The following FRMD4A variants were observed in gnomAD, a reference collection of about 807,000 sequenced individuals.
The protein encoded by FRMD4A is FERM domain-containing protein 4A.
A neutral mutation model predicts 129.1 loss-of-function variants in FRMD4A; 29 were observed. The observed-to-expected ratio is 0.22, with a 90% CI of 0.17 to 0.31. FRMD4A has a LOEUF of 0.31. Among genes scored for constraint, FRMD4A ranks in the 10% least tolerant of loss-of-function variants. The pLI is 1.00. For missense variants in FRMD4A, 1,272 were observed against 1,375.8 expected, an observed-to-expected ratio of 0.92 and a Z score of 1.19; for synonymous variants, 634 against 571.6, an observed-to-expected ratio of 1.11 and a Z score of -1.56.
intron 2 of FRMD4A, among the ~76,000 whole-genome samples, chr10:13,907,310 G>T (rs1272043969): frequency 6.6e-6 from 1 of 152,052 alleles, no homozygotes; most frequent in Non-Finnish European, 1.5e-5. Flanking sequence ...TATCTGTTGG[G>T]CGGTGATGTG....
intron 2 of FRMD4A, among the ~76,000 whole-genome samples, chr10:14,124,788 A>C (rs1357372351): frequency 6.6e-6 from 1 of 152,214 alleles, no homozygotes; most frequent in Non-Finnish European, 1.5e-5. Context: ...TGATCACCAA[A>C]CGGGATTGTA....
intron 2 of FRMD4A, among the ~76,000 whole-genome samples, chr10:14,218,717 A>G (rs1048852973): frequency 6.6e-6 from 1 of 152,134 alleles, no homozygotes; most frequent in African/African-American, 2.4e-5. Flanking sequence ...GTGGGGACAC[A>G]GAGCTAAACC....
At chr10:13,688,480 C>T (rs1315913672) in intron 15 of FRMD4A, among the ~76,000 whole-genome samples, 1 of 151,944 alleles carries the variant, frequency 6.6e-6, no homozygotes, top group Non-Finnish European at 1.5e-5. Flanking sequence ...ACCAACATGG[C>T]ACATGTATAC....
At chr10:13,955,783 T>C (rs1247530248) in intron 2 of FRMD4A, among the ~76,000 whole-genome samples, 1 of 152,212 alleles carries the variant, frequency 6.6e-6, no homozygotes, top group Admixed American at 6.5e-5. Context: ...TATGTGGAGA[T>C]AACCAGCCTT....
chr10:13,882,053 G>T, intron 2 of FRMD4A, among the ~76,000 whole-genome samples: 1 of 145,006 alleles, frequency 6.9e-6, no homozygotes, highest in East Asian at 2.1e-4. Context: ...GTTAACATAA[G>T]AAAAGAAGTT....
intron 2 of FRMD4A, among the ~76,000 whole-genome samples, chr10:13,978,918 C>T (rs1044491673): frequency 6.6e-6 from 1 of 152,174 alleles, no homozygotes; most frequent in Non-Finnish European, 1.5e-5. Context: ...TCAAGCTCCA[C>T]CCATGATTAT....
chr10:14,243,972 CCTT>C (rs1844146805), intron 2 of FRMD4A, among the ~76,000 whole-genome samples: 1 of 152,050 alleles, frequency 6.6e-6, no homozygotes, highest in Non-Finnish European at 1.5e-5. Context: ...TGGTCAAAGG[CCTT>C]CTTCTTTATC....
At chr10:14,031,178 G>A (rs971938866) in intron 2 of FRMD4A, among the ~76,000 whole-genome samples, 2 of 152,298 alleles carry the variant, frequency 1.3e-5, no homozygotes, top group Admixed American at 6.5e-5. Context: ...GCTTCACCAC[G>A]TGGACTTTCT....
intron 2 of FRMD4A, among the ~76,000 whole-genome samples, chr10:13,925,259 G>A (rs2995648): frequency 0.28 from 42,309 of 151,868 alleles, 6,308 homozygotes; most frequent in Non-Finnish European, 0.32. Flanking sequence ...CAATGGTGGG[G>A]CTTGATCTTG....
At chr10:14,112,013 T>TGGGAGGGA (rs1432138563) in intron 2 of FRMD4A, among the ~76,000 whole-genome samples, 4 of 14,044 alleles carry the variant, frequency 2.8e-4, no homozygotes, top group Non-Finnish European at 5.5e-4. Context: ...GAAGGAAGGG[T>TGGGAGGGA]GGGAGGGAGG....
Position 14,221,097 on chromosome 10 carries a change from C to T in FRMD4A, c.45+108961G>A, listed in dbSNP as rs552731179. 1.9e-4 allele frequency among the ~76,000 whole-genome samples: 29 copies of T among 152,186 alleles called. 2 individuals carry two copies. The highest frequency in any genetic ancestry group is 1.4e-3 in the Admixed American group (21 of 15,286). ...CTGAATAAACATGGAGAACATGCAG[C>T]GAATGGTGGCAAGACTTGGGAAGAG... is the stretch of plus-strand genomic sequence containing the variant. On this transcript the variant is annotated intron_variant, in intron 2 of 24. Coordinates refer to ENST00000357447, the MANE Select transcript of FRMD4A (RefSeq NM_018027.5).
intron 2 of FRMD4A, among the ~76,000 whole-genome samples, chr10:13,975,192 G>A (rs1166710429): frequency 1.3e-5 from 2 of 151,674 alleles, no homozygotes; most frequent in Admixed American, 1.3e-4. Flanking sequence ...CTCTGTGTCT[G>A]TGTGTATGTC....
At chr10:13,778,623 T>TGTGTGTG (rs1240640403) in intron 6 of FRMD4A, among the ~76,000 whole-genome samples, 186 of 138,598 alleles carry the variant, frequency 1.3e-3, no homozygotes, top group South Asian at 6.5e-3. Flanking sequence ...GTGTGTGTGT[T>TGTGTGTG]TGTGTGTGTG....
In FRMD4A at chr10:14,279,985, A is replaced by G. The variant is rs139499959; in HGVS notation, c.45+50073T>C. Among the ~76,000 whole-genome samples the G allele has an allele frequency of 2.2e-4, 34 of 152,320 alleles. No individual in the cohort carries two copies. In the East Asian group the frequency reaches 4.2e-3, roughly 19 times the overall value. On this transcript the variant is annotated intron_variant, in intron 2 of 24. Transcript: ENST00000357447. ...TTCAACAGTTAGAATGAGCAGACTCACCCAGGACTCCTGACTTCAATTTCT... is the reference window on the plus strand; with the variant it reads ...TTCAACAGTTAGAATGAGCAGACTCGCCCAGGACTCCTGACTTCAATTTCT...
In FRMD4A at chr10:13,646,801, G is replaced by A. The variant is rs921528925; in HGVS notation, c.*237C>T. ...GTCAGGTTTTCAAGGGGGAGGGAAT[G>A]CGGAGACAGGAGAAAAAAAGTGCTG... On this transcript the variant is annotated 3_prime_UTR_variant, in exon 25 of 25. Transcript: ENST00000357447. 2 of 154,378 alleles carry A rather than the reference G, an allele frequency of 1.3e-5. No individual in the cohort carries two copies. Among genetic ancestry groups the A allele is most frequent in the African/African-American group, 4.8e-5 (2 of 41,486 alleles). The allele number at this position is 154,378 out of a possible 1,614,324, so 9.6% of individuals were successfully genotyped here.
intron 2 of FRMD4A, among the ~76,000 whole-genome samples, chr10:14,208,208 C>T (rs1003889063): frequency 1.3e-5 from 2 of 151,994 alleles, no homozygotes; most frequent in African/African-American, 4.8e-5. Context: ...AAGAAACAAA[C>T]GAAACCAAGC....
At chr10:13,829,429 G>T (rs1194006398) in intron 3 of FRMD4A, among the ~76,000 whole-genome samples, 3 of 152,144 alleles carry the variant, frequency 2.0e-5, no homozygotes, top group Non-Finnish European at 4.4e-5. Context: ...GTTTGAGGCT[G>T]CTGTGAGCCA....
intron 2 of FRMD4A, among the ~76,000 whole-genome samples, chr10:14,246,488 C>T (rs1010144062): frequency 2.0e-5 from 3 of 152,162 alleles, no homozygotes; most frequent in Non-Finnish European, 4.4e-5. Context: ...TACATATGCA[C>T]ACACATACAC....
At chr10:14,228,303 G>A (rs139029509) in intron 2 of FRMD4A, among the ~76,000 whole-genome samples, 118 of 152,236 alleles carry the variant, frequency 7.8e-4, no homozygotes, top group East Asian at 7.0e-3. Context: ...ATACAATGAC[G>A]ATATATTCAC....
Sources: gnomAD v4.1 joint callset for allele counts (sites outside exome capture counted in the v4.1 genomes callset) on GRCh38, gnomAD v4.1.1 for gene constraint, MANE v1.5 for transcripts, NCBI Gene and HGNC (gene_info 2026-07-23, HGNC 2026-07-21) for gene names.